Variants in SNX29 observed in about 807,000 individuals in gnomAD.
SNX29 encodes the protein sorting nexin-29.
In SNX29, 78 loss-of-function variants were observed where a neutral mutation model predicts 102.1. The ratio of observed to expected loss-of-function variants is 0.76; its 90% confidence interval spans 0.64 to 0.92. The LOEUF (loss-of-function observed/expected upper bound fraction) is 0.92, where lower values mean the gene tolerates loss of function less well. Ranked by LOEUF, SNX29 falls within the 40% of genes least tolerant of loss-of-function variation. SNX29 has a pLI of 0.00. For missense variants in SNX29, 1,280 were observed against 1,061.7 expected (o/e 1.21, Z -2.86); for synonymous variants, 580 against 414.5 (o/e 1.40, Z -4.85).
chr16:12,373,419 G>A (rs1268272154), intron 16 of SNX29, among the ~76,000 whole-genome samples: 1 of 152,156 alleles, frequency 6.6e-6, no homozygotes, highest in Non-Finnish European at 1.5e-5. Flanking sequence ...TATATGAGCT[G>A]CTATGCCTGG....
chr16:12,067,340 T>TG (rs751509574), intron 9 of SNX29, among the ~76,000 whole-genome samples: 6 of 152,078 alleles, frequency 3.9e-5, no homozygotes, highest in Non-Finnish European at 5.9e-5. Flanking sequence ...TGGGGGTTCT[T>TG]GGGGCACCTT....
chr16:12,296,182 C>A (rs1490499568), intron 15 of SNX29, among the ~76,000 whole-genome samples: 1 of 152,204 alleles, frequency 6.6e-6, no homozygotes, highest in African/African-American at 2.4e-5. Flanking sequence ...GATAACAGAT[C>A]TCAGTTTCTC....
chr16:12,089,935 C>A, intron 11 of SNX29: 1 of 275,712 alleles, frequency 3.6e-6, no homozygotes, highest in Non-Finnish European at 7.2e-6. Flanking sequence ...GACTTAGCGG[C>A]CATACTCTCA....
intron 15 of SNX29, among the ~76,000 whole-genome samples, chr16:12,329,014 G>C (rs909554229): frequency 1.3e-5 from 2 of 151,986 alleles, no homozygotes; most frequent in African/African-American, 4.8e-5. Context: ...GCTCACACCT[G>C]TAATCCCAAC....
At chr16:12,511,846 C>G (rs1597672526) in intron 19 of SNX29, among the ~76,000 whole-genome samples, 2 of 152,030 alleles carry the variant, frequency 1.3e-5, no homozygotes, top group East Asian at 3.9e-4. Flanking sequence ...GTCCCACAGC[C>G]TCCTATGGGA....
chr16:12,554,614 A>C (rs1024077713), intron 20 of SNX29, among the ~76,000 whole-genome samples: 1 of 152,160 alleles, frequency 6.6e-6, no homozygotes, highest in African/African-American at 2.4e-5. Context: ...GAGCTCACTC[A>C]CACATACCTG....
chr16:12,514,503 A>G (rs1188017040), intron 19 of SNX29, among the ~76,000 whole-genome samples: 1 of 152,120 alleles, frequency 6.6e-6, no homozygotes. Flanking sequence ...CTACCCCCCA[A>G]CTAAGGAGTT....
intron 4 of SNX29, among the ~76,000 whole-genome samples, chr16:12,032,779 C>G (rs2151139126): frequency 6.6e-6 from 1 of 151,992 alleles, no homozygotes; most frequent in South Asian, 2.1e-4. Context: ...TACCCTGTTG[C>G]ATTCCCACTA....
At chr16:12,564,934 T>TA (rs6145751) in intron 20 of SNX29, among the ~76,000 whole-genome samples, 12,606 of 144,576 alleles carry the variant, frequency 0.087, 660 homozygotes, top group Non-Finnish European at 0.11. Context: ...ACCTTGGTGT[T>TA]AAAAAAAAAA....
chr16:12,510,944 A>C (rs1597668223), intron 19 of SNX29, among the ~76,000 whole-genome samples: 1 of 151,986 alleles, frequency 6.6e-6, no homozygotes, highest in Non-Finnish European at 1.5e-5. Context: ...ACAGGCTGCC[A>C]TATCCAGCCC....
chr16:12,451,320 G>A (rs1041396091), intron 18 of SNX29, among the ~76,000 whole-genome samples: 2 of 152,180 alleles, frequency 1.3e-5, no homozygotes, highest in Non-Finnish European at 2.9e-5. Context: ...CCAAGTTTAT[G>A]TTTCGTCTCC....
At chr16:12,214,499 G>A (rs2077270571) in intron 14 of SNX29, among the ~76,000 whole-genome samples, 1 of 152,154 alleles carries the variant, frequency 6.6e-6, no homozygotes, top group Non-Finnish European at 1.5e-5. Context: ...CTTTTGTAAG[G>A]AAACTGGTCA....
At chr16:12,421,168 G>A (rs1214339528) in intron 18 of SNX29, among the ~76,000 whole-genome samples, 10 of 152,158 alleles carry the variant, frequency 6.6e-5, no homozygotes, top group Non-Finnish European at 7.4e-5. Context: ...ACAATCTTTC[G>A]AAACCCAAGG....
At chr16:12,231,016 A>T (rs1057117186) in intron 14 of SNX29, among the ~76,000 whole-genome samples, 1 of 150,828 alleles carries the variant, frequency 6.6e-6, no homozygotes, top group Non-Finnish European at 1.5e-5. Flanking sequence ...ACACCCGGCT[A>T]ATTTTAATAT....
At chr16:12,129,344 A>C (rs1237340883) in intron 12 of SNX29, among the ~76,000 whole-genome samples, 11 of 152,092 alleles carry the variant, frequency 7.2e-5, no homozygotes, top group African/African-American at 2.7e-4. Flanking sequence ...GAATTTGCTC[A>C]CCTCATTGTT....
At chr16:12,170,863 C>G (rs543443917) in intron 13 of SNX29, among the ~76,000 whole-genome samples, 1 of 151,598 alleles carries the variant, frequency 6.6e-6, no homozygotes, top group Non-Finnish European at 1.5e-5. Flanking sequence ...TGTCTGTGCG[C>G]GCGCGCGTGC....
chr16:12,519,365 G>A (rs1279143765), intron 19 of SNX29, among the ~76,000 whole-genome samples: 5 of 152,172 alleles, frequency 3.3e-5, no homozygotes, highest in Non-Finnish European at 1.5e-5. Context: ...ATAAAGAGGT[G>A]CACTGTAACT....
intron 18 of SNX29, among the ~76,000 whole-genome samples, chr16:12,432,349 T>C (rs1597361189): frequency 6.6e-6 from 1 of 152,204 alleles, no homozygotes; most frequent in East Asian, 1.9e-4. Context: ...AGATGCATTT[T>C]TGGGGTCCAG....
chr16:12,028,034 A>T (rs1230605008), intron 4 of SNX29, among the ~76,000 whole-genome samples: 2 of 152,180 alleles, frequency 1.3e-5, no homozygotes, highest in Non-Finnish European at 2.9e-5. Context: ...GTTCATAGTG[A>T]TCTGCTTTGG....
Sources: allele counts gnomAD v4.1 joint callset (sites outside exome capture counted in the v4.1 genomes callset), GRCh38; gene constraint gnomAD v4.1.1; transcripts MANE v1.5; gene names NCBI Gene and HGNC (gene_info 2026-07-23, HGNC 2026-07-21).